The following PCOLCE variants were observed in gnomAD, a reference collection of about 807,000 sequenced individuals.
The protein encoded by PCOLCE is procollagen C-endopeptidase enhancer 1.
Under a neutral mutation model 47.2 loss-of-function variants are expected in PCOLCE, and 33 were observed. The observed-to-expected ratio is 0.70, with a 90% CI of 0.53 to 0.93. PCOLCE has a LOEUF of 0.93. Among genes scored for constraint, PCOLCE ranks in the 40% least tolerant of loss-of-function variants. PCOLCE has a pLI of 0.00. For missense variants in PCOLCE, 584 were observed against 585.3 expected (o/e 1.00, Z 0.02); for synonymous variants, 254 against 252.5 (o/e 1.01, Z -0.06).
Position 100,604,226 on chromosome 7 carries a change from T to C in PCOLCE, c.463+9T>C. 1 of 1,602,946 alleles carries C rather than the reference T, an allele frequency of 6.2e-7. No individual in the cohort carries two copies. ...GGCCACCTCGGGCACTGGTGAGAAC[T>C]CCCTCACCTCCGCCTTCCCCCCCTC... On this transcript the variant is annotated intron_variant, in intron 3 of 8. Transcript: ENST00000223061. The surrounding 1 kb of genome is among the most constrained non-coding windows in gnomAD (Gnocchi z 6.4).
chr7:100,605,231 C>T lies in PCOLCE; in HGVS notation c.588+16C>T. On this transcript the variant is annotated intron_variant, in intron 4 of 8. Coordinates refer to ENST00000223061, the MANE Select transcript of PCOLCE (RefSeq NM_002593.4). This position sits in a 1 kb window ranked among gnomAD's most constrained non-coding sequence, Gnocchi z 6.1. ...CCCGGACCAGGTACCGACCCTCCTC[C>T]CCGGGCTGCCCTAGGGGACCCAGGC... 6.2e-7 allele frequency: 1 copy of T among 1,606,618 alleles called. No homozygotes were observed. Among genetic ancestry groups the T allele is most frequent in the Non-Finnish European group, 8.5e-7 (1 of 1,175,314 alleles).
rs1303794113 is a variant in PCOLCE, at chr7:100,607,968, A to G, written c.1215A>G (p.Glu405=). Residue 405 remains glutamate, a synonymous_variant, in exon 9 of 9, where the codon GAA becomes GAG. Transcript: ENST00000223061. ...GVSYLLMGQV[E]ENRGPVLPPE... is the part of the protein sequence containing the mutation. ...GTTATCTGCTGATGGGCCAGGTAGA[A>G]GAGAACAGAGGCCCCGTCCTTCCTC... The G allele has an allele frequency of 6.2e-7, 1 of 1,613,994 alleles. No individual in the cohort carries two copies. The highest frequency in any genetic ancestry group is 1.3e-5 in the African/African-American group (1 of 74,910).
chr7:100,605,923 C>T lies in PCOLCE; in HGVS notation c.725+111C>T. On this transcript the variant is annotated intron_variant, in intron 5 of 8. Coordinates refer to ENST00000223061, the MANE Select transcript of PCOLCE (RefSeq NM_002593.4). This position sits in a 1 kb window ranked among gnomAD's most constrained non-coding sequence, Gnocchi z 6.1. ...GGGACGGGATCTGAACCCCAGGGCT[C>T]CAAACCGGCGAGGGGAGCAGGTTGG... 2 of 1,254,720 alleles carry T rather than the reference C, an allele frequency of 1.6e-6. No homozygotes were observed. The highest frequency in any genetic ancestry group is 2.2e-6 in the Non-Finnish European group (2 of 914,734). The allele number at this position is 1,254,720 out of a possible 1,614,324, so 77.7% of individuals were successfully genotyped here. A position where few individuals can be genotyped will look rare whatever the true frequency, so the allele number is the denominator to read the frequency against.
chr7:100,607,203 G>A (rs1260954629), intron 6 of PCOLCE, among the ~76,000 whole-genome samples: 2 of 151,950 alleles, frequency 1.3e-5, no homozygotes, highest in African/African-American at 2.4e-5. Context: ...TGACTGTGCC[G>A]CTACACTCCA....
chr7:100,607,666 C>G lies in PCOLCE; in HGVS notation c.1042C>G (p.Arg348Gly). Residue 348 changes from arginine to glycine, a missense_variant, in exon 8 of 9, where the codon CGG becomes GGG. Arg to Gly is a moderately radical substitution (Grantham distance 125). Coordinates refer to ENST00000223061, the MANE Select transcript of PCOLCE (RefSeq NM_002593.4). ...GACTGCGACAGTGAAGTCCATGGTTCGGGAGCCAGGGGAGGGCCTTGCCGT... is the reference window on the plus strand; with the variant it reads ...GACTGCGACAGTGAAGTCCATGGTTGGGGAGCCAGGGGAGGGCCTTGCCGT... Reference protein sequence around the residue: ...VVTATVKSMVREPGEGLAVTV... With the variant: ...VVTATVKSMVGEPGEGLAVTV... 6.2e-7 allele frequency: 1 copy of G among 1,614,088 alleles called. No individual in the cohort carries two copies. Among genetic ancestry groups the G allele is most frequent in the Non-Finnish European group, 8.5e-7 (1 of 1,180,014 alleles).
At chr7:100,607,162 G>C (rs146561261) in intron 6 of PCOLCE, among the ~76,000 whole-genome samples, 7 of 151,846 alleles carry the variant, frequency 4.6e-5, no homozygotes, top group African/African-American at 1.7e-4. Context: ...AGGATTGCTT[G>C]AGCTGGGAAG....
In PCOLCE at chr7:100,603,949, C is replaced by T; in HGVS notation, c.205-10C>T. 1 of 1,599,464 alleles carries T rather than the reference C, an allele frequency of 6.3e-7. No individual in the cohort carries two copies. On this transcript the variant is annotated splice_polypyrimidine_tract_variant and intron_variant, in intron 2 of 8. Coordinates refer to ENST00000223061, the MANE Select transcript of PCOLCE (RefSeq NM_002593.4). Reference sequence around the variant, plus strand: ...ACTCTGTGGGTCCCCGCCTCTGTCCCCGCTATCAGGTCCCCGAGGGCCAGA... The same window carrying T: ...ACTCTGTGGGTCCCCGCCTCTGTCCTCGCTATCAGGTCCCCGAGGGCCAGA...
intron 5 of PCOLCE, chr7:100,606,205 T>TGTA (rs765645287): frequency 3.0e-5 from 17 of 567,832 alleles, no homozygotes; most frequent in Non-Finnish European, 4.7e-5. Flanking sequence ...GTGGCGTGCC[T>TGTA]GTAGTCCCAG....
Position 100,606,614 on chromosome 7 carries a change from A to C in PCOLCE, c.924A>C (p.Glu308Asp), listed in dbSNP as rs1802722628. Residue 308 changes from glutamate to aspartate, a missense_variant, in exon 6 of 9, where the codon GAA becomes GAC. Physicochemically the swap from Glu to Asp is conservative, Grantham distance 45 (BLOSUM62 2). Transcript: ENST00000223061. ...CCCAACCTCCGGAGAAAACAGAGGA[A>C]TCTCCTTCAGCCCCTGGTGAGTCTG... ...PKSQPPEKTE[E>D]SPSAPDAPTC... is the part of the protein sequence containing the mutation. 1.9e-6 allele frequency: 3 copies of C among 1,610,452 alleles called. No individual in the cohort carries two copies. The highest frequency in any genetic ancestry group is 2.5e-6 in the Non-Finnish European group (3 of 1,177,220).
chr7:100,603,415 T>C lies in PCOLCE; in HGVS notation c.96-15T>C. The C allele has an allele frequency of 2.5e-6, 3 of 1,209,470 alleles. No homozygotes were observed. The highest frequency in any genetic ancestry group is 1.2e-5 in the South Asian group (1 of 81,944). 74.9% of individuals were successfully genotyped at this position (1,209,470 alleles called of 1,614,324 possible). ...CCCGTCCCTGCTCTTTCCTGACCCC[T>C]TTTCTGTTCTCCAGACCCGTGTTCC... is the stretch of plus-strand genomic sequence containing the variant. On this transcript the variant is annotated splice_polypyrimidine_tract_variant and intron_variant, in intron 1 of 8. Coordinates refer to ENST00000223061, the MANE Select transcript of PCOLCE (RefSeq NM_002593.4).
Position 100,604,905 on chromosome 7 carries a change from C to G in PCOLCE, c.464-186C>G, listed in dbSNP as rs984270294. ...GTGCGCCCTGCGGCCCCAGACTTCC[C>G]CGAGCCGCGCTCCTCCCGGCCGCTC... On this transcript the variant is annotated intron_variant, in intron 3 of 8. Transcript: ENST00000223061. The surrounding 1 kb of genome is among the most constrained non-coding windows in gnomAD (Gnocchi z 6.4). The G allele has an allele frequency of 7.4e-5, 40 of 538,510 alleles. No homozygotes were observed. The highest frequency in any genetic ancestry group is 1.2e-4 in the South Asian group (5 of 41,008). The allele number at this position is 538,510 out of a possible 1,614,324, so 33.4% of individuals were successfully genotyped here.
Position 100,603,465 on chromosome 7 carries a change from A to G in PCOLCE, c.131A>G (p.Glu44Gly). 4 of 1,602,082 alleles carry G rather than the reference A, an allele frequency of 2.5e-6. No homozygotes were observed. Among genetic ancestry groups the G allele is most frequent in the Non-Finnish European group, 3.4e-6 (4 of 1,174,612 alleles). The change falls in exon 2 of 9, where the codon GAA becomes GGA. Residue 44 changes from glutamate (E) to glycine (G), a missense_variant. Physicochemically the swap from Glu to Gly is moderately conservative, Grantham distance 98. Coordinates refer to ENST00000223061, the MANE Select transcript of PCOLCE (RefSeq NM_002593.4). ...VFLCGGDVKG[E>G]SGYVASEGFP... The stretch of plus-strand genomic sequence containing the variant: ...CTGTGCGGAGGGGATGTGAAGGGGG[A>G]ATCAGGTTACGTGGCAAGTGAGGGG...
chr7:100,605,436 C>G lies in PCOLCE; in HGVS notation c.588+221C>G. ...CGAGGTACAGGGTCCTGGTATAACA[C>G]GCGGGCCTGTCACTTGTGAGTGCGC... On this transcript the variant is annotated intron_variant, in intron 4 of 8. Coordinates refer to ENST00000223061, the MANE Select transcript of PCOLCE (RefSeq NM_002593.4). This position sits in a 1 kb window ranked among gnomAD's most constrained non-coding sequence, Gnocchi z 6.1. 3.1e-6 allele frequency: 2 copies of G among 650,952 alleles called. No homozygotes were observed. Among genetic ancestry groups the G allele is most frequent in the East Asian group, 2.8e-5 (1 of 36,160 alleles). 40.3% of individuals were successfully genotyped at this position (650,952 alleles called of 1,614,324 possible).
Position 100,604,744 on chromosome 7 carries a change from A to G in PCOLCE, c.464-347A>G, listed in dbSNP as rs1322731653. On this transcript the variant is annotated intron_variant, in intron 3 of 8. Transcript: ENST00000223061. This position sits in a 1 kb window ranked among gnomAD's most constrained non-coding sequence, Gnocchi z 6.4. ...GCCCCAAGTCGAGGACACCCTCTCCAGCCTGAAAGGGGACTCTGCTGCAGG... is the reference window on the plus strand; with the variant it reads ...GCCCCAAGTCGAGGACACCCTCTCCGGCCTGAAAGGGGACTCTGCTGCAGG... 6 of 335,182 alleles carry G rather than the reference A, an allele frequency of 1.8e-5. No individual in the cohort carries two copies. In the East Asian group the frequency reaches 3.9e-4, roughly 22 times the overall value. The allele number at this position is 335,182 out of a possible 1,614,324, so 20.8% of individuals were successfully genotyped here.
At position 100,604,394 on chromosome 7, in the gene PCOLCE, C is replaced by T. The variant is rs1032086949; in HGVS notation, c.463+177C>T. 7 of 623,064 alleles carry T rather than the reference C, an allele frequency of 1.1e-5. No homozygotes were observed. The highest frequency in any genetic ancestry group is 3.7e-5 in the African/African-American group (2 of 54,068). The allele number at this position is 623,064 out of a possible 1,614,324, so 38.6% of individuals were successfully genotyped here. A position where few individuals can be genotyped will look rare whatever the true frequency, so the allele number is the denominator to read the frequency against. ...TCAGTCCCTCCTCCCCGTCTTCTCT[C>T]CCCTCCTCCCGCACCCACCCATCCC... On this transcript the variant is annotated intron_variant, in intron 3 of 8. Coordinates refer to ENST00000223061, the MANE Select transcript of PCOLCE (RefSeq NM_002593.4). The surrounding 1 kb of genome is among the most constrained non-coding windows in gnomAD (Gnocchi z 6.4).
chr7:100,603,308 T>A, intron 1 of PCOLCE, 122 bp from the exon 2 acceptor site: 1 of 593,478 alleles, frequency 1.7e-6, no homozygotes, highest in Non-Finnish European at 3.0e-6. Flanking sequence ...CTCAAGGCCT[T>A]TCCATTTCAT....
At position 100,605,864 on chromosome 7, in the gene PCOLCE, A is replaced by G. The variant is rs1252543968; in HGVS notation, c.725+52A>G. Reference sequence around the variant, plus strand: ...GGGAGAGAGTCGGCGGACCGCACGCACGCGGCTGTTTGGAGGGGCGGGGTT... The same window carrying G: ...GGGAGAGAGTCGGCGGACCGCACGCGCGCGGCTGTTTGGAGGGGCGGGGTT... On this transcript the variant is annotated intron_variant, in intron 5 of 8. Coordinates refer to ENST00000223061, the MANE Select transcript of PCOLCE (RefSeq NM_002593.4). The surrounding 1 kb of genome is among the most constrained non-coding windows in gnomAD (Gnocchi z 6.1). The G allele has an allele frequency of 7.2e-6, 11 of 1,533,312 alleles. No individual in the cohort carries two copies. The East Asian group carries it at 2.7e-4, about 38-fold the overall frequency. 95.0% of individuals were successfully genotyped at this position (1,533,312 alleles called of 1,614,324 possible). A position where few individuals can be genotyped will look rare whatever the true frequency, so the allele number is the denominator to read the frequency against.
Position 100,606,579 on chromosome 7 carries a change from C to T in PCOLCE, c.889C>T (p.Pro297Ser), listed in dbSNP as rs772537881. 4.3e-6 allele frequency: 7 copies of T among 1,613,692 alleles called. 1 individual carries two copies. The South Asian group carries it at 7.7e-5, about 18-fold the overall frequency. ...KRGTEPKVKL[P>S]PKSQPPEKTE... ...GGGAACTGAGCCTAAAGTCAAGCTG[C>T]CCCCCAAGTCCCAACCTCCGGAGAA... The change falls in exon 6 of 9, where the codon CCC becomes TCC. Residue 297 changes from proline to serine, a missense_variant. Coordinates refer to ENST00000223061, the MANE Select transcript of PCOLCE (RefSeq NM_002593.4).
Position 100,606,551 on chromosome 7 carries a change from A to T in PCOLCE, c.861A>T (p.Lys287Asn). ...AAGAAGGGCAAGGGCCCGGCCCCAAACGGGGAACTGAGCCTAAAGTCAAGC... is the reference window on the plus strand; with the variant it reads ...AAGAAGGGCAAGGGCCCGGCCCCAATCGGGGAACTGAGCCTAAAGTCAAGC... ...TAKEGQGPGP[K>N]RGTEPKVKLP... Residue 287 changes from lysine to asparagine, a missense_variant, in exon 6 of 9, where the codon AAA (lysine) becomes AAT (asparagine). Lys to Asn is a moderately conservative substitution (Grantham distance 94). Transcript: ENST00000223061. 1 of 1,614,184 alleles carries T rather than the reference A, an allele frequency of 6.2e-7. No homozygotes were observed. The highest frequency in any genetic ancestry group is 8.5e-7 in the Non-Finnish European group (1 of 1,179,992).
Sources: gnomAD v4.1 joint callset for allele counts (sites outside exome capture counted in the v4.1 genomes callset) on GRCh38, gnomAD v4.1.1 for gene constraint, Gnocchi (gnomAD v3.1) non-coding constraint, MANE v1.5 for transcripts, NCBI Gene and HGNC (gene_info 2026-07-23, HGNC 2026-07-21) for gene names.